The following ATP23 variants were observed in gnomAD, a reference collection of about 807,000 sequenced individuals.
The protein encoded by ATP23 is ATP23 metallopeptidase and ATP synthase assembly factor homolog.
Under a neutral mutation model 28.5 loss-of-function variants are expected in ATP23, and 24 were observed. That is an observed-to-expected ratio of 0.84 (90% CI 0.61 to 1.18). The LOEUF is 1.18. Among genes scored for constraint, ATP23 ranks in the 50% most tolerant of loss-of-function variants. The probability of loss-of-function intolerance (pLI) is 0.00; values close to 1 mark genes in which losing one functional copy is unlikely to be tolerated. For missense variants in ATP23, 274 were observed against 306.4 expected (o/e 0.89, Z 0.79); for synonymous variants, 99 against 108.6 (o/e 0.91, Z 0.55).
intron 5 of ATP23, 132 bp from the exon 6 acceptor site, chr12:57,956,555 T>C (rs1956868805): frequency 7.7e-6 from 6 of 774,748 alleles, no homozygotes; most frequent in Non-Finnish European, 1.2e-5. Flanking sequence ...GTTTTCTTCT[T>C]TGGAATGACA....
chr12:57,941,851 G>A lies in ATP23; in HGVS notation c.150G>A (p.Gln50=). ...TCTCCAGCTTCTTCACCAGCAACCA[G>A]AAGTGCCAGCTTAGGCTCCTGAAGA... ...GFFSSFFTSN[Q]KCQLRLLKTL... is the part of the protein sequence containing the mutation. The change falls in exon 1 of 6, where the codon CAG becomes CAA. Residue 50 remains glutamine (Q), a synonymous_variant. Coordinates refer to ENST00000300145, the MANE Select transcript of ATP23 (RefSeq NM_033276.4). 1 of 1,613,100 alleles carries A rather than the reference G, an allele frequency of 6.2e-7. No individual in the cohort carries two copies. The highest frequency in any genetic ancestry group is 8.5e-7 in the Non-Finnish European group (1 of 1,179,646).
chr12:57,947,064 T>C lies in ATP23; in HGVS notation c.303T>C (p.Ala101=). The C allele has an allele frequency of 6.2e-7, 1 of 1,614,036 alleles. No individual in the cohort carries two copies. Among genetic ancestry groups the C allele is most frequent in the Non-Finnish European group, 8.5e-7 (1 of 1,179,942 alleles). The change falls in exon 3 of 6, where the codon GCT becomes GCC. Residue 101 remains alanine, a synonymous_variant. Transcript: ENST00000300145. ...CNGNVSGGFD[A]STSQIVLCQN... Reference sequence around the variant, plus strand: ...GAAATGTCAGTGGAGGTTTTGATGCTTCAACATCTCAGGTAGGCATTATTG... The same window carrying C: ...GAAATGTCAGTGGAGGTTTTGATGCCTCAACATCTCAGGTAGGCATTATTG...
At chr12:57,951,607 G>T in intron 3 of ATP23, 151 bp from the exon 4 acceptor site, 1 of 805,812 alleles carries the variant, frequency 1.2e-6, no homozygotes. Context: ...TTGTCCCATG[G>T]GTAGATGTGT....
At position 57,945,823 on chromosome 12, in the gene ATP23, G is replaced by A. The variant is rs547474515; in HGVS notation, c.233+150G>A. 2.1e-4 allele frequency: 145 copies of A among 686,622 alleles called. 1 individual carries two copies. The South Asian group carries it at 2.6e-3, about 12-fold the overall frequency. 42.5% of individuals were successfully genotyped at this position (686,622 alleles called of 1,614,324 possible). On this transcript the variant is annotated intron_variant, in intron 2 of 5. Transcript: ENST00000300145. ...AGAGGTAATTGGCTGCATTGTCTCC[G>A]GGCTGGCCTTGTTCTCTTTGGACAT...
rs903247206 is a variant in ATP23 at position 57,957,997 on chromosome 12, G to A, written c.*1107G>A. Among the ~76,000 whole-genome samples, 1 of 152,162 alleles carries A rather than the reference G, an allele frequency of 6.6e-6. No individual in the cohort carries two copies. The highest frequency in any genetic ancestry group is 1.5e-5 in the Non-Finnish European group (1 of 68,016). On this transcript the variant is annotated 3_prime_UTR_variant, in exon 6 of 6. Coordinates refer to ENST00000300145, the MANE Select transcript of ATP23 (RefSeq NM_033276.4). ...TGGGTAGCCTGGGGCAAGTTTTCAA[G>A]CCTGTCTCACCCACCACCTGGAAGC...
At chr12:57,952,537 C>T (rs1400145786) in intron 4 of ATP23, among the ~76,000 whole-genome samples, 1 of 152,222 alleles carries the variant, frequency 6.6e-6, no homozygotes, top group African/African-American at 2.4e-5. Flanking sequence ...GAATATGCTC[C>T]TAGAGAGAGC....
chr12:57,945,735 CTCT>C (rs1956754153), intron 2 of ATP23, 62 bp downstream of exon 2: 17 of 1,485,260 alleles, frequency 1.1e-5, no homozygotes, highest in Admixed American at 3.4e-5. Flanking sequence ...AAACCAAGTT[CTCT>C]TCTTAAGAGA....
intron 5 of ATP23, among the ~76,000 whole-genome samples, chr12:57,955,656 T>C (rs557220853): frequency 6.6e-6 from 1 of 152,380 alleles, no homozygotes; most frequent in East Asian, 1.9e-4. Flanking sequence ...TGTACCTTTT[T>C]TCCCTGGAGG....
chr12:57,955,874 G>A (rs1242101089), intron 5 of ATP23, among the ~76,000 whole-genome samples: 5 of 152,146 alleles, frequency 3.3e-5, no homozygotes, highest in Admixed American at 6.5e-5. Context: ...TGGAGAAAAC[G>A]GATGGCTGTC....
Position 57,945,669 on chromosome 12 carries a change from G to A in ATP23, c.229G>A (p.Gly77Ser). 1 of 1,613,592 alleles carries A rather than the reference G, an allele frequency of 6.2e-7. No homozygotes were observed. The highest frequency in any genetic ancestry group is 8.5e-7 in the Non-Finnish European group (1 of 1,179,810). The change falls in exon 2 of 6, where the codon GGT becomes AGT. Residue 77 changes from glycine to serine, a missense_variant. Transcript: ENST00000300145. ...TCTGCTTGATGCTATGAAACACTCA[G>A]GTTGGTAAGTAACTCTTTTTGAAGT... ...KLLLDAMKHS[G>S]CAVNKDRHFS...
intron 2 of ATP23, 130 bp from the exon 3 acceptor site, chr12:57,946,865 C>T: frequency 1.5e-6 from 1 of 679,542 alleles, no homozygotes; most frequent in Non-Finnish European, 2.5e-6. Flanking sequence ...TTGTTTCTTT[C>T]CCAAGATTTC....
At chr12:57,943,014 A>G (rs1565872304) in intron 1 of ATP23, among the ~76,000 whole-genome samples, 1 of 152,208 alleles carries the variant, frequency 6.6e-6, no homozygotes, top group Non-Finnish European at 1.5e-5. Flanking sequence ...TCACAGTTCA[A>G]AAGTCAACCA....
chr12:57,953,539 G>T, intron 4 of ATP23, 67 bp from the exon 5 acceptor site: 1 of 1,284,500 alleles, frequency 7.8e-7, no homozygotes, highest in Non-Finnish European at 1.1e-6. Context: ...TTTAAAAATT[G>T]GTTGATATCA....
rs1347972142 is a variant in ATP23, at chr12:57,953,662, A to T, written c.510A>T (p.Leu170Phe). The T allele has an allele frequency of 3.7e-6, 6 of 1,614,060 alleles. No homozygotes were observed. In the African/African-American group the frequency reaches 8.0e-5, roughly 22 times the overall value. Residue 170 changes from leucine to phenylalanine, a missense_variant, in exon 5 of 6, where the codon TTA (leucine) becomes TTT (phenylalanine). Transcript: ENST00000300145. ...DCSLVNEIFR[L>F]HFGLKQHHQT... ...CACTTGTCAATGAAATATTCAGGTT[A>T]CATTTTGGATTAAAACAACACCACC...
chr12:57,948,691 C>T (rs1245338058), intron 3 of ATP23, among the ~76,000 whole-genome samples: 2 of 152,154 alleles, frequency 1.3e-5, no homozygotes, highest in South Asian at 4.1e-4. Context: ...TATGTAACCA[C>T]CACCCAGACT....
In ATP23 at chr12:57,953,659, G is replaced by T. The variant is rs199887889; in HGVS notation, c.507G>T (p.Arg169Ser). ...GDCSLVNEIF[R>S]LHFGLKQHHQ... ...GCTCACTTGTCAATGAAATATTCAG[G>T]TTACATTTTGGATTAAAACAACACC... The change falls in exon 5 of 6, where the codon AGG (arginine) becomes AGT (serine). Residue 169 changes from arginine to serine, a missense_variant. Physicochemically the swap from Arg to Ser is moderately radical, Grantham distance 110. Coordinates refer to ENST00000300145, the MANE Select transcript of ATP23 (RefSeq NM_033276.4). 11 of 1,613,938 alleles carry T rather than the reference G, an allele frequency of 6.8e-6. No individual in the cohort carries two copies.
At position 57,941,715 on chromosome 12, in the gene ATP23, C is replaced by G; in HGVS notation, c.14C>G (p.Pro5Arg). 1 of 1,602,082 alleles carries G rather than the reference C, an allele frequency of 6.2e-7. No individual in the cohort carries two copies. MAGA[P>R]DERRRGPAAG... is the part of the protein sequence containing the mutation. ...TCTGCGGGAGGCATGGCGGGAGCTC[C>G]GGACGAGCGCCGGCGGGGCCCCGCG... The change falls in exon 1 of 6, where the codon CCG becomes CGG. Residue 5 changes from proline to arginine, a missense_variant. Physicochemically the swap from Pro to Arg is moderately radical, Grantham distance 103. Coordinates refer to ENST00000300145, the MANE Select transcript of ATP23 (RefSeq NM_033276.4).
intron 3 of ATP23, among the ~76,000 whole-genome samples, chr12:57,948,901 G>A (rs1185314390): frequency 6.6e-6 from 1 of 152,156 alleles, no homozygotes; most frequent in Non-Finnish European, 1.5e-5. Context: ...TGAATTTTAT[G>A]TAGCATTTTG....
In ATP23 at chr12:57,957,521, G is replaced by A. The variant is rs781772949; in HGVS notation, c.*631G>A. Reference sequence around the variant, plus strand: ...GACCCACAGACCCTCTGAAGGAAGCGACTGCTCCTACAGTGCCCAGGAGAC... The same window carrying A: ...GACCCACAGACCCTCTGAAGGAAGCAACTGCTCCTACAGTGCCCAGGAGAC... On this transcript the variant is annotated 3_prime_UTR_variant, in exon 6 of 6. Transcript: ENST00000300145. 1.4e-4 allele frequency among the ~76,000 whole-genome samples: 21 copies of A among 152,114 alleles called. No individual in the cohort carries two copies. Among genetic ancestry groups the A allele is most frequent in the Non-Finnish European group, 2.5e-4 (17 of 68,012 alleles).
Sources: gnomAD v4.1 joint callset for allele counts (sites outside exome capture counted in the v4.1 genomes callset) on GRCh38, gnomAD v4.1.1 for gene constraint, MANE v1.5 for transcripts, NCBI Gene and HGNC (gene_info 2026-07-23, HGNC 2026-07-21) for gene names.